ZNF534: variants seen among roughly 807,000 people sequenced by gnomAD.
ZNF534 encodes the protein KRAB domain only 3.
In ZNF534, 19 loss-of-function variants were observed where a neutral mutation model predicts 13.6. The observed-to-expected ratio is 1.40, with a 90% CI of 0.97 to 2.05. The LOEUF (loss-of-function observed/expected upper bound fraction) is 2.05. Ranked by LOEUF, ZNF534 falls within the 30% of genes most tolerant of loss-of-function variation. The probability of loss-of-function intolerance (pLI) is 0.00; values close to 1 mark genes in which losing one functional copy is unlikely to be tolerated. For missense variants in ZNF534, 782 were observed against 796.3 expected (o/e 0.98, Z 0.22); for synonymous variants, 244 against 273.8 (o/e 0.89, Z 1.07).
chr19:52,435,269 C>T, intron 4 of ZNF534, 60 bp downstream of exon 4: 1 of 1,526,952 alleles, frequency 6.5e-7, no homozygotes. Context: ...AGAAGGGTCT[C>T]ACTCTGTCAT....
downstream of ZNF534, among the ~76,000 whole-genome samples, chr19:52,446,917 C>G (rs2059196555): frequency 6.6e-6 from 1 of 152,200 alleles, no homozygotes; most frequent in South Asian, 2.1e-4. Flanking sequence ...TAATATAGAT[C>G]TGCAATGCTG....
At position 52,432,779 on chromosome 19, in the gene ZNF534, C is replaced by T. The variant is rs111809773; in HGVS notation, c.16-1176C>T. ...TCCTGAGTAGCTGGGATTACAGGTG[C>T]ACACCTCCATGCCCAGCTCATTTTT... On this transcript the variant is annotated intron_variant, in intron 2 of 4. Transcript: ENST00000433050. 3.8e-4 allele frequency among the ~76,000 whole-genome samples: 58 copies of T among 152,062 alleles called. 1 individual carries two copies. The highest frequency in any genetic ancestry group is 1.1e-3 in the African/African-American group (46 of 41,498).
At chr19:52,449,914 G>C (rs760991713) in intron 4 of ZNF534, among the ~76,000 whole-genome samples, 4 of 152,082 alleles carry the variant, frequency 2.6e-5, no homozygotes, top group Admixed American at 6.6e-5. Flanking sequence ...CAGCTACTTG[G>C]GAGGCTGAGG....
At chr19:52,451,216 G>C in exon 5 of ZNF534, 1 of 709,610 alleles carries the variant, frequency 1.4e-6, no homozygotes, top group African/African-American at 1.8e-5. Context: ...GGACGCGCGC[G>C]TCTTCAGGGT....
At chr19:52,451,295 C>A in exon 5 of ZNF534, 1 of 1,092,646 alleles carries the variant, frequency 9.2e-7, no homozygotes, top group Non-Finnish European at 1.4e-6. Context: ...AATGACTCCC[C>A]TCTGCCCTCG....
Position 52,440,899 on chromosome 19 carries a change from CTTTTT to C in ZNF534, c.*1463_*1467del, listed in dbSNP as rs575100025. Among the ~76,000 whole-genome samples the C allele has an allele frequency of 7.1e-6, 1 of 141,748 alleles. No homozygotes were observed. The highest frequency in any genetic ancestry group is 2.6e-5 in the African/African-American group (1 of 38,838). The allele number at this position is 141,748 out of a possible 152,430, so 93.0% of individuals were successfully genotyped here. A position where few individuals can be genotyped will look rare whatever the true frequency, so the allele number is the denominator to read the frequency against. On this transcript the variant is annotated 3_prime_UTR_variant, in exon 5 of 5. Coordinates refer to ENST00000433050, the MANE Select transcript of ZNF534 (RefSeq NM_001143938.3). Reference sequence around the variant, plus strand: ...TTTGTAATCCATAGTGGAGATAAGTCTTTTTTTTTTTTTTCCCCCGAAACAAGAGT... The same window carrying C: ...TTTGTAATCCATAGTGGAGATAAGTCTTTTTTTTTCCCCCGAAACAAGAGT...
In ZNF534 at chr19:52,451,853, C is replaced by T. The variant is rs1447862173; in HGVS notation, c.*356C>T. On this transcript the variant is annotated 3_prime_UTR_variant, in exon 5 of 5. Transcript: ENST00000301085. Reference sequence around the variant, plus strand: ...TCGAATTGCACAGCTCATTTGTGAACGGATTTTTTAATCCAGAAATAGAAG... The same window carrying T: ...TCGAATTGCACAGCTCATTTGTGAATGGATTTTTTAATCCAGAAATAGAAG... 3.9e-6 allele frequency: 3 copies of T among 761,956 alleles called. No individual in the cohort carries two copies. The East Asian group carries it at 1.0e-4, about 26-fold the overall frequency. 47.2% of individuals were successfully genotyped at this position (761,956 alleles called of 1,614,324 possible). A position where few individuals can be genotyped will look rare whatever the true frequency, so the allele number is the denominator to read the frequency against.
rs369634433 is a variant in ZNF534, at chr19:52,434,002, G to A, written c.63G>A (p.Glu21=). ...TGGCCATAGAATTCTCTCAGGAGGA[G>A]TGGAAATGCCTGGACCCTGGGCAGA... is the stretch of plus-strand genomic sequence containing the variant. ...SDVAIEFSQE[E]WKCLDPGQKA... The change falls in exon 3 of 5, where the codon GAG becomes GAA. Residue 21 remains glutamate (E), a synonymous_variant. Coordinates refer to ENST00000433050, the MANE Select transcript of ZNF534 (RefSeq NM_001143938.3). The A allele has an allele frequency of 4.7e-5, 76 of 1,614,034 alleles. No homozygotes were observed. The highest frequency in any genetic ancestry group is 6.1e-5 in the Non-Finnish European group (72 of 1,180,034).
intron 4 of ZNF534, among the ~76,000 whole-genome samples, chr19:52,449,222 A>G (rs1389177005): frequency 6.6e-6 from 1 of 152,240 alleles, no homozygotes; most frequent in Non-Finnish European, 1.5e-5. Flanking sequence ...ACCATTGTCT[A>G]TATATACATT....
At chr19:52,433,478 T>C (rs1051464368) in intron 2 of ZNF534, among the ~76,000 whole-genome samples, 5 of 152,054 alleles carry the variant, frequency 3.3e-5, no homozygotes, top group Admixed American at 2.0e-4. Flanking sequence ...ACCATTCTCC[T>C]GCCTCAGCCT....
intron 1 of ZNF534, among the ~76,000 whole-genome samples, chr19:52,429,610 C>A (rs1348255852): frequency 5.7e-5 from 6 of 105,516 alleles, no homozygotes; most frequent in South Asian, 5.8e-4. Context: ...TTTTTTTTTT[C>A]CTGAGACTGA....
chr19:52,434,739 A>G (rs2059117497), intron 3 of ZNF534, among the ~76,000 whole-genome samples: 1 of 151,552 alleles, frequency 6.6e-6, no homozygotes, highest in Non-Finnish European at 1.5e-5. Flanking sequence ...TCAAAAAAAA[A>G]AAAAAAGAAA....
downstream of ZNF534, among the ~76,000 whole-genome samples, chr19:52,443,554 A>G (rs1263573562): frequency 2.0e-5 from 3 of 152,172 alleles, no homozygotes; most frequent in Non-Finnish European, 4.4e-5. Flanking sequence ...GTTCAAGACC[A>G]GCCTGGCCAA....
At chr19:52,442,727 C>G (rs2122715306), downstream of ZNF534, among the ~76,000 whole-genome samples, 1 of 152,214 alleles carries the variant, frequency 6.6e-6, no homozygotes, top group East Asian at 1.9e-4. Context: ...GGGAAAGAAT[C>G]AAGTGAAAGA....
chr19:52,433,839 T>G, intron 2 of ZNF534, 116 bp from the exon 3 acceptor site: 1 of 1,153,408 alleles, frequency 8.7e-7, no homozygotes, highest in Non-Finnish European at 1.3e-6. Flanking sequence ...TCCTTTAATG[T>G]GGATTTGGCG....
downstream of ZNF534, among the ~76,000 whole-genome samples, chr19:52,442,965 A>C (rs552739829): frequency 1.3e-5 from 2 of 152,286 alleles, no homozygotes; most frequent in African/African-American, 4.8e-5. Flanking sequence ...TGCTCTAATA[A>C]ATAACTGTAA....
chr19:52,438,617 A>C lies in ZNF534; in HGVS notation c.1157A>C (p.Glu386Ala), dbSNP rs1320624046. 3 of 1,590,120 alleles carry C rather than the reference A, an allele frequency of 1.9e-6. No homozygotes were observed. Among genetic ancestry groups the C allele is most frequent in the East Asian group, 2.3e-5 (1 of 43,684 alleles). Residue 386 changes from glutamate (E) to alanine (A), a missense_variant, in exon 5 of 5, where the codon GAG (glutamate) becomes GCG (alanine). Around this residue, in one of 5 missense-constraint regions of ZNF534, gnomAD observed 591 missense variants for 574.0 expected, o/e 1.03. Transcript: ENST00000433050. ...GGAGAGAAACCTTACAAATGTAATG[A>C]GTGTGGCAAGGTCTTTATTGGCAAT... ...HTGEKPYKCN[E>A]CGKVFIGNSR...
At chr19:52,444,337 G>A (rs1384118509), downstream of ZNF534, among the ~76,000 whole-genome samples, 1 of 152,190 alleles carries the variant, frequency 6.6e-6, no homozygotes, top group Non-Finnish European at 1.5e-5. Context: ...TCTGCACAGA[G>A]TCCTGTGATA....
intron 4 of ZNF534, among the ~76,000 whole-genome samples, chr19:52,448,898 T>A (rs1158147489): frequency 6.6e-6 from 1 of 152,224 alleles, no homozygotes; most frequent in Admixed American, 6.5e-5. Context: ...CTTTGAAATA[T>A]ACAATAAATT....
Sources: allele counts gnomAD v4.1 joint callset (sites outside exome capture counted in the v4.1 genomes callset), GRCh38; gene constraint gnomAD v4.1.1; regional missense constraint gnomAD v4.1.1; transcripts MANE v1.5; gene names NCBI Gene and HGNC (gene_info 2026-07-23, HGNC 2026-07-21).